Variants in SLC25A26 observed in about 807,000 individuals in gnomAD.
The protein encoded by SLC25A26 is solute carrier family 25 member 26.
Under a neutral mutation model 37.8 loss-of-function variants are expected in SLC25A26, and 36 were observed. That is an observed-to-expected ratio of 0.95 (90% CI 0.73 to 1.26). The LOEUF is 1.26. Ranked by LOEUF, SLC25A26 falls within the 50% of genes most tolerant of loss-of-function variation. The probability of loss-of-function intolerance (pLI) is 0.00; values close to 1 mark genes in which losing one functional copy is unlikely to be tolerated. For missense variants in SLC25A26, 390 were observed against 331.1 expected (o/e 1.18, Z -1.38); for synonymous variants, 129 against 122.5 (o/e 1.05, Z -0.35).
chr3:66,228,712 T>G (rs538409365), intron 1 of SLC25A26, among the ~76,000 whole-genome samples: 1 of 152,234 alleles, frequency 6.6e-6, no homozygotes, highest in Non-Finnish European at 1.5e-5. Flanking sequence ...CTGAGCACTT[T>G]AAAAGTGCTT....
Position 66,221,009 on chromosome 3 carries a change from C to T in SLC25A26, c.-86C>T, listed in dbSNP as rs1452745692. 1 of 1,440,084 alleles carries T rather than the reference C, an allele frequency of 6.9e-7. No homozygotes were observed. 89.2% of individuals were successfully genotyped at this position (1,440,084 alleles called of 1,614,324 possible). A position where few individuals can be genotyped will look rare whatever the true frequency, so the allele number is the denominator to read the frequency against. ...TCCCGGAAGTTCAAGACAGACCCGC[C>T]TCAAACATGGCGGCGCCCAGCGCGC... On this transcript the variant is annotated 5_prime_UTR_variant, in exon 1 of 10. Coordinates refer to ENST00000354883, the MANE Select transcript of SLC25A26 (RefSeq NM_001379210.1).
chr3:66,139,272 G>T (rs550880039), intron 1 of SLC25A26, among the ~76,000 whole-genome samples: 1 of 152,270 alleles, frequency 6.6e-6, no homozygotes, highest in East Asian at 1.9e-4. Context: ...AAGCAGGGTT[G>T]CATTAGCTTC....
chr3:66,334,429 C>T (rs1234926747), intron 5 of SLC25A26, among the ~76,000 whole-genome samples: 1 of 152,150 alleles, frequency 6.6e-6, no homozygotes, highest in African/African-American at 2.4e-5. Context: ...ACTCTTGTGC[C>T]TCAGCCTCCC....
intron 1 of SLC25A26, among the ~76,000 whole-genome samples, chr3:66,194,442 T>A (rs1052053144): frequency 1.3e-4 from 20 of 152,324 alleles, no homozygotes; most frequent in African/African-American, 4.3e-4. Context: ...AACTTCACTG[T>A]CCTTATCATC....
chr3:66,274,995 C>A (rs1208810423), intron 5 of SLC25A26, among the ~76,000 whole-genome samples: 2 of 152,002 alleles, frequency 1.3e-5, no homozygotes, highest in Non-Finnish European at 2.9e-5. Flanking sequence ...AGACTTGGAA[C>A]CAAGCCAAAT....
intron 5 of SLC25A26, among the ~76,000 whole-genome samples, chr3:66,304,990 TA>T (rs796155183): frequency 1.8e-4 from 28 of 152,304 alleles, no homozygotes; most frequent in African/African-American, 6.0e-4. Context: ...TATGACACGG[TA>T]GTATCACTTG....
chr3:66,142,471 A>G (rs1377236405), intron 1 of SLC25A26, among the ~76,000 whole-genome samples: 2 of 152,200 alleles, frequency 1.3e-5, no homozygotes, highest in Non-Finnish European at 2.9e-5. Flanking sequence ...CTTCTCCTGA[A>G]GTAGGGCATA....
At chr3:66,308,805 G>C (rs976487986) in intron 5 of SLC25A26, among the ~76,000 whole-genome samples, 8 of 152,154 alleles carry the variant, frequency 5.3e-5, no homozygotes, top group Non-Finnish European at 5.9e-5. Context: ...TGTGATTTTT[G>C]TCATTGGTTC....
At chr3:66,339,903 T>G (rs2076170398) in intron 5 of SLC25A26, among the ~76,000 whole-genome samples, 1 of 152,136 alleles carries the variant, frequency 6.6e-6, no homozygotes, top group African/African-American at 2.4e-5. Flanking sequence ...GTTGCCTTGC[T>G]TTTTGTGTCA....
intron 1 of SLC25A26, among the ~76,000 whole-genome samples, chr3:66,182,846 A>C (rs1247503347): frequency 6.6e-6 from 1 of 152,008 alleles, no homozygotes; most frequent in East Asian, 1.9e-4. Context: ...TAGCTCAATG[A>C]GCCTGAAGGA....
intron 1 of SLC25A26, among the ~76,000 whole-genome samples, chr3:66,212,099 T>C (rs2071291661): frequency 6.6e-6 from 1 of 152,152 alleles, no homozygotes; most frequent in Non-Finnish European, 1.5e-5. Context: ...CAGTATATTG[T>C]TATGATTGTC....
At chr3:66,154,752 G>A (rs1005119225) in intron 1 of SLC25A26, among the ~76,000 whole-genome samples, 1 of 152,104 alleles carries the variant, frequency 6.6e-6, no homozygotes, top group African/African-American at 2.4e-5. Flanking sequence ...AAAGTGCTGG[G>A]ATTACAGGCA....
At chr3:66,150,219 C>T (rs975742081) in intron 1 of SLC25A26, among the ~76,000 whole-genome samples, 5 of 151,800 alleles carry the variant, frequency 3.3e-5, no homozygotes, top group South Asian at 2.1e-4. Context: ...TAACATAGGC[C>T]GGGCATGGTG....
At chr3:66,326,771 C>T (rs1450145575) in intron 5 of SLC25A26, among the ~76,000 whole-genome samples, 1 of 152,186 alleles carries the variant, frequency 6.6e-6, no homozygotes, top group Non-Finnish European at 1.5e-5. Flanking sequence ...ACAAGATCTT[C>T]AGAAGCCTCC....
chr3:66,261,104 C>T (rs953024284), intron 3 of SLC25A26, among the ~76,000 whole-genome samples: 1 of 152,196 alleles, frequency 6.6e-6, no homozygotes, highest in Non-Finnish European at 1.5e-5. Flanking sequence ...AGGGCTCAAG[C>T]GACCTTCCTG....
intron 5 of SLC25A26, among the ~76,000 whole-genome samples, chr3:66,321,933 A>T (rs2075705497): frequency 6.6e-6 from 1 of 152,050 alleles, no homozygotes; most frequent in Non-Finnish European, 1.5e-5. Flanking sequence ...AGACTGAGGG[A>T]CCAAACTCGC....
At chr3:66,345,363 G>T (rs967985104) in intron 5 of SLC25A26, among the ~76,000 whole-genome samples, 1 of 152,014 alleles carries the variant, frequency 6.6e-6, no homozygotes, top group Non-Finnish European at 1.5e-5. Context: ...AGCTCTGTCT[G>T]CTTCCTCTTT....
intron 6 of SLC25A26, among the ~76,000 whole-genome samples, chr3:66,357,753 T>C (rs1282406673): frequency 1.3e-5 from 2 of 152,206 alleles, no homozygotes; most frequent in Non-Finnish European, 2.9e-5. Flanking sequence ...TTATTTAAAT[T>C]CATTGTATTA....
chr3:66,202,017 T>C (rs1434875434), intron 1 of SLC25A26, among the ~76,000 whole-genome samples: 1 of 152,152 alleles, frequency 6.6e-6, no homozygotes. Flanking sequence ...AAAAAAATGA[T>C]ATACCCAAAG....
Sources: gnomAD v4.1 joint callset for allele counts (sites outside exome capture counted in the v4.1 genomes callset) on GRCh38, gnomAD v4.1.1 for gene constraint, MANE v1.5 for transcripts, NCBI Gene and HGNC (gene_info 2026-07-23, HGNC 2026-07-21) for gene names.